The following ADCY2 variants were observed in gnomAD, a reference collection of about 807,000 sequenced individuals.
ADCY2 encodes the protein adenylate cyclase 2, also known as adenylate cyclase type 2.
Under a neutral mutation model 125.2 loss-of-function variants are expected in ADCY2, and 31 were observed. The ratio of observed to expected loss-of-function variants is 0.25; its 90% CI spans 0.19 to 0.33. ADCY2 has a LOEUF of 0.33. Among genes scored for constraint, ADCY2 ranks in the 10% least tolerant of loss-of-function variants. The pLI, the probability that ADCY2 is intolerant of heterozygous loss-of-function variation, is 1.00. For missense variants in ADCY2, 904 were observed against 1,418.2 expected, an observed-to-expected ratio of 0.64 and a Z score of 5.82; for synonymous variants, 512 against 548.4, an observed-to-expected ratio of 0.93 and a Z score of 0.93.
chr5:7,739,081 C>A (rs1056088377), intron 14 of ADCY2, among the ~76,000 whole-genome samples: 4 of 151,686 alleles, frequency 2.6e-5, no homozygotes, highest in African/African-American at 9.7e-5. Context: ...TCATAAAACA[C>A]TAAACTGAAT....
intron 22 of ADCY2, among the ~76,000 whole-genome samples, chr5:7,807,627 A>G (rs1233677066): frequency 2.6e-5 from 4 of 151,998 alleles, no homozygotes; most frequent in African/African-American, 7.3e-5. Flanking sequence ...GACTTTATCT[A>G]TCCCCTCTGC....
intron 18 of ADCY2, among the ~76,000 whole-genome samples, chr5:7,783,637 AC>A (rs1283177107): frequency 1.3e-5 from 2 of 152,150 alleles, no homozygotes; most frequent in African/African-American, 4.8e-5. Flanking sequence ...GTGTCCATGC[AC>A]CATCCATTTT....
intron 16 of ADCY2, among the ~76,000 whole-genome samples, chr5:7,758,776 T>G (rs1743099186): frequency 6.6e-6 from 1 of 151,296 alleles, no homozygotes; most frequent in African/African-American, 2.4e-5. Flanking sequence ...AAAGGAGGAG[T>G]CTGCCACATG....
intron 3 of ADCY2, among the ~76,000 whole-genome samples, chr5:7,616,108 T>C (rs1415370558): frequency 6.6e-6 from 1 of 152,152 alleles, no homozygotes; most frequent in African/African-American, 2.4e-5. Flanking sequence ...TCGTTTAGTC[T>C]AGTAACATGA....
chr5:7,518,513 T>C (rs75518371), intron 2 of ADCY2, among the ~76,000 whole-genome samples: 2,997 of 152,290 alleles, frequency 0.02, 121 homozygotes, highest in African/African-American at 0.068. Flanking sequence ...GAAAAAACCT[T>C]CAGAGTCTTT....
At chr5:7,735,636 T>C (rs1313358147) in intron 14 of ADCY2, among the ~76,000 whole-genome samples, 3 of 152,254 alleles carry the variant, frequency 2.0e-5, no homozygotes, top group African/African-American at 4.8e-5. Flanking sequence ...TTGACTGATA[T>C]TCAGATATTA....
In ADCY2 at chr5:7,520,851, C is replaced by T. The variant is rs758825950; in HGVS notation, c.522C>T (p.Ser174=). The T allele has an allele frequency of 1.1e-5, 17 of 1,614,080 alleles. No individual in the cohort carries two copies. The highest frequency in any genetic ancestry group is 4.5e-5 in the East Asian group (2 of 44,892). ...LTSSSHTIVL[S]VCLSATPGGK... The stretch of plus-strand genomic sequence containing the variant: ...CCTCCTCCCACACCATCGTGCTTAG[C>T]GTCTGCCTGTCTGCAACACCGGGAG... Residue 174 remains serine, a synonymous_variant, in exon 3 of 25, where the codon AGC becomes AGT. Coordinates refer to ENST00000338316, the MANE Select transcript of ADCY2 (RefSeq NM_020546.3).
intron 7 of ADCY2, among the ~76,000 whole-genome samples, chr5:7,699,281 T>C (rs1042346926): frequency 1.7e-4 from 26 of 150,072 alleles, no homozygotes; most frequent in Admixed American, 6.6e-5. Flanking sequence ...GTATTTTTAG[T>C]AGAGACGGGG....
chr5:7,559,030 C>T (rs1238598272), intron 3 of ADCY2, among the ~76,000 whole-genome samples: 1 of 152,078 alleles, frequency 6.6e-6, no homozygotes, highest in Non-Finnish European at 1.5e-5. Flanking sequence ...TTCCATTGGT[C>T]TGTGTGTCTG....
In ADCY2 at chr5:7,626,151, C is replaced by T. The variant is rs756288435; in HGVS notation, c.571-16C>T. 3.7e-6 allele frequency: 6 copies of T among 1,607,758 alleles called. No homozygotes were observed. The highest frequency in any genetic ancestry group is 5.1e-6 in the Non-Finnish European group (6 of 1,178,146). On this transcript the variant is annotated splice_polypyrimidine_tract_variant and intron_variant, in intron 3 of 24. Transcript: ENST00000338316. ...GAAACAGTTACCCTATTGAGCAGCT[C>T]TTTCTGTCTCTTTAGATCCTGGCCA... is the stretch of plus-strand genomic sequence containing the variant.
intron 3 of ADCY2, among the ~76,000 whole-genome samples, chr5:7,592,322 TA>T (rs1334979446): frequency 2.0e-5 from 3 of 152,080 alleles, no homozygotes; most frequent in African/African-American, 4.8e-5. Flanking sequence ...GTTGGATGAA[TA>T]AAAAAAGATT....
At chr5:7,754,168 A>T (rs1429138097) in intron 15 of ADCY2, among the ~76,000 whole-genome samples, 2 of 152,192 alleles carry the variant, frequency 1.3e-5, no homozygotes, top group African/African-American at 4.8e-5. Context: ...AAATTCCTGC[A>T]TATCTGCCCG....
In ADCY2 at chr5:7,709,717, T is replaced by C. The variant is rs1375840101; in HGVS notation, c.1578+330T>C. On this transcript the variant is annotated intron_variant, in intron 10 of 24. Coordinates refer to ENST00000338316, the MANE Select transcript of ADCY2 (RefSeq NM_020546.3). The surrounding 1 kb of genome is among the most constrained non-coding windows in gnomAD (Gnocchi z 4.4). ...ACTTCTATCATGAAGTAGAAAGCCT[T>C]GAGGTTCTTAATAAAAAGACAAAGG... is the stretch of plus-strand genomic sequence containing the variant. Among the ~76,000 whole-genome samples, 1 of 152,210 alleles carries C rather than the reference T, an allele frequency of 6.6e-6. No homozygotes were observed. Among genetic ancestry groups the C allele is most frequent in the Admixed American group, 6.5e-5 (1 of 15,284 alleles).
chr5:7,418,257 C>T (rs537962929), intron 2 of ADCY2, among the ~76,000 whole-genome samples: 4 of 152,272 alleles, frequency 2.6e-5, no homozygotes, highest in South Asian at 2.1e-4. Flanking sequence ...TTTCCCACGC[C>T]ACTGGGGCCC....
At chr5:7,430,430 G>A (rs1433410060) in intron 2 of ADCY2, among the ~76,000 whole-genome samples, 1 of 150,276 alleles carries the variant, frequency 6.7e-6, no homozygotes, top group Non-Finnish European at 1.5e-5. Context: ...CAGGAACATG[G>A]ACACAAACAT....
chr5:7,664,854 A>G (rs1394656073), intron 4 of ADCY2, among the ~76,000 whole-genome samples: 2 of 152,170 alleles, frequency 1.3e-5, no homozygotes, highest in African/African-American at 2.4e-5. Context: ...TCTGCACAGT[A>G]CAACTTGGTC....
chr5:7,457,843 G>A (rs759945537), intron 2 of ADCY2, among the ~76,000 whole-genome samples: 6 of 152,194 alleles, frequency 3.9e-5, no homozygotes, highest in South Asian at 2.1e-4. Flanking sequence ...TAGTTACCAC[G>A]TCGTCCTGTT....
chr5:7,565,789 C>T (rs533597822), intron 3 of ADCY2, among the ~76,000 whole-genome samples: 5 of 152,272 alleles, frequency 3.3e-5, no homozygotes, highest in African/African-American at 1.2e-4. Flanking sequence ...GCTGTCTGCT[C>T]CCCTAAGAAA....
chr5:7,582,181 T>C (rs1232653914), intron 3 of ADCY2, among the ~76,000 whole-genome samples: 4 of 152,178 alleles, frequency 2.6e-5, no homozygotes, highest in Admixed American at 2.6e-4. Context: ...TTTACAATAA[T>C]ATCATTCTGC....
Sources: allele counts gnomAD v4.1 joint callset (sites outside exome capture counted in the v4.1 genomes callset), GRCh38; gene constraint gnomAD v4.1.1; non-coding constraint Gnocchi (gnomAD v3.1); transcripts MANE v1.5; gene names NCBI Gene and HGNC (gene_info 2026-07-23, HGNC 2026-07-21).